The following SDHAF3 variants were observed in gnomAD, a reference collection of about 807,000 sequenced individuals.
SDHAF3 encodes the protein succinate dehydrogenase complex assembly factor 3, also known as succinate dehydrogenase assembly factor 3, mitochondrial.
SDHAF3 carries 18 observed loss-of-function variants against 11.5 expected under a neutral mutation model. The observed-to-expected ratio is 1.56, with a 90% CI of 1.08 to 2.32. The LOEUF is 2.32. Ranked by LOEUF, SDHAF3 falls within the 30% of genes most tolerant of loss-of-function variation. The pLI, the probability that SDHAF3 is intolerant of heterozygous loss-of-function variation, is 0.00. For synonymous variants in SDHAF3, 72 were observed against 59.3 expected (o/e 1.21, Z -0.99); for missense variants, 200 against 154.4 (o/e 1.30, Z -1.57).
chr7:97,176,240 GTC>G (rs1789677023), intron 1 of SDHAF3, among the ~76,000 whole-genome samples: 1 of 152,174 alleles, frequency 6.6e-6, no homozygotes, highest in African/African-American at 2.4e-5. Flanking sequence ...ACTCAAAAGT[GTC>G]TCTCTTCGAC....
At chr7:97,119,932 A>T (rs1791466350) in intron 1 of SDHAF3, among the ~76,000 whole-genome samples, 1 of 152,182 alleles carries the variant, frequency 6.6e-6, no homozygotes, top group South Asian at 2.1e-4. Context: ...AGGGCACATG[A>T]TACTAACATG....
At chr7:97,127,312 G>A (rs928876024) in intron 1 of SDHAF3, among the ~76,000 whole-genome samples, 2 of 152,138 alleles carry the variant, frequency 1.3e-5, no homozygotes, top group African/African-American at 2.4e-5. Context: ...CAATGATCCC[G>A]GTATCACGGA....
At chr7:97,142,446 C>T (rs989680579) in intron 1 of SDHAF3, among the ~76,000 whole-genome samples, 3 of 152,102 alleles carry the variant, frequency 2.0e-5, no homozygotes. Flanking sequence ...GGGCATTAGG[C>T]TTATTCCAAG....
chr7:97,159,893 T>C (rs1172160998), intron 1 of SDHAF3, among the ~76,000 whole-genome samples: 1 of 152,220 alleles, frequency 6.6e-6, no homozygotes, highest in East Asian at 1.9e-4. Flanking sequence ...TTTGGAGGGT[T>C]AGACCATTGG....
intron 1 of SDHAF3, among the ~76,000 whole-genome samples, chr7:97,121,855 T>G (rs1184454337): frequency 2.5e-3 from 169 of 67,516 alleles, no homozygotes; most frequent in African/African-American, 7.0e-3. Context: ...TTTTTTTTTG[T>G]TTTTTTTTTT....
Position 97,156,772 on chromosome 7 carries a change from TA to T in SDHAF3, c.175-24232del, listed in dbSNP as rs944834076. On this transcript the variant is annotated intron_variant, in intron 1 of 1. Transcript: ENST00000432641. Reference sequence around the variant, plus strand: ...GCTAAGGATAATCTATAAATATTAATAAAAAAAATTTCTTTTTTAATGTTTT... The same window carrying T: ...GCTAAGGATAATCTATAAATATTAATAAAAAAATTTCTTTTTTAATGTTTT... Among the ~76,000 whole-genome samples the T allele has an allele frequency of 5.2e-3, 767 of 147,444 alleles. 8 individuals carry two copies. The highest frequency in any genetic ancestry group is 0.017 in the African/African-American group (712 of 41,150).
At chr7:97,167,897 C>T (rs1384723633) in intron 1 of SDHAF3, among the ~76,000 whole-genome samples, 1 of 152,154 alleles carries the variant, frequency 6.6e-6, no homozygotes, top group Non-Finnish European at 1.5e-5. Context: ...ATCTCTGATC[C>T]ATCCACAAGT....
At chr7:97,164,675 G>A (rs553972156) in intron 1 of SDHAF3, among the ~76,000 whole-genome samples, 13 of 151,886 alleles carry the variant, frequency 8.6e-5, no homozygotes, top group Non-Finnish European at 1.2e-4. Context: ...GTGCCTTTCC[G>A]GTTCATAGTT....
intron 1 of SDHAF3, among the ~76,000 whole-genome samples, chr7:97,148,021 A>G (rs1236345868): frequency 6.6e-6 from 1 of 151,992 alleles, no homozygotes; most frequent in Non-Finnish European, 1.5e-5. Flanking sequence ...CTCATACCTC[A>G]GCCTCCCAAG....
chr7:97,150,517 T>G (rs1002396993), intron 1 of SDHAF3, among the ~76,000 whole-genome samples: 1 of 151,854 alleles, frequency 6.6e-6, no homozygotes, highest in Non-Finnish European at 1.5e-5. Flanking sequence ...GGTGACCAGG[T>G]GCATTGTCAG....
At chr7:97,173,546 ATTT>A (rs10538365) in intron 1 of SDHAF3, among the ~76,000 whole-genome samples, 57 of 135,410 alleles carry the variant, frequency 4.2e-4, no homozygotes, top group Middle Eastern at 3.8e-3. Context: ...CAAAATTAGA[ATTT>A]TTTTTTTTTT....
intron 1 of SDHAF3, among the ~76,000 whole-genome samples, chr7:97,125,216 T>C (rs1791557626): frequency 6.6e-6 from 1 of 152,206 alleles, no homozygotes; most frequent in Non-Finnish European, 1.5e-5. Context: ...GGGTTTTTCA[T>C]GTCTCTCCTT....
chr7:97,169,616 C>CTTTA (rs1789573352), intron 1 of SDHAF3, among the ~76,000 whole-genome samples: 1 of 151,752 alleles, frequency 6.6e-6, no homozygotes, highest in African/African-American at 2.4e-5. Flanking sequence ...GCATCATGTC[C>CTTTA]TTTAGTTTAT....
intron 1 of SDHAF3, chr7:97,136,593 G>T: frequency 2.5e-6 from 1 of 405,594 alleles, no homozygotes; most frequent in Non-Finnish European, 4.4e-6. Flanking sequence ...TGTACAGTAC[G>T]CTTCTAAACT....
At chr7:97,166,746 C>CGGGG (rs75706400) in intron 1 of SDHAF3, among the ~76,000 whole-genome samples, 1 of 150,666 alleles carries the variant, frequency 6.6e-6, no homozygotes, top group Admixed American at 6.6e-5. Flanking sequence ...AGTTAGTTGG[C>CGGGG]GGGGGGGGCT....
At chr7:97,179,964 C>A (rs912222326) in intron 1 of SDHAF3, among the ~76,000 whole-genome samples, 2 of 152,158 alleles carry the variant, frequency 1.3e-5, no homozygotes, top group African/African-American at 4.8e-5. Context: ...CAGCATTATC[C>A]AGAGTTAGCC....
chr7:97,150,669 T>G (rs973854439), intron 1 of SDHAF3, among the ~76,000 whole-genome samples: 1 of 150,960 alleles, frequency 6.6e-6, no homozygotes, highest in Non-Finnish European at 1.5e-5. Context: ...GTTCACGCCA[T>G]TCTCCTGCCT....
chr7:97,146,016 T>G (rs1445122530), intron 1 of SDHAF3, among the ~76,000 whole-genome samples: 2 of 152,130 alleles, frequency 1.3e-5, no homozygotes, highest in Admixed American at 6.5e-5. Flanking sequence ...AGCTTTATAG[T>G]TAGCAGATTA....
At chr7:97,176,689 T>C (rs943582368) in intron 1 of SDHAF3, among the ~76,000 whole-genome samples, 5 of 152,180 alleles carry the variant, frequency 3.3e-5, no homozygotes, top group Non-Finnish European at 7.3e-5. Flanking sequence ...TGAGTCTTTC[T>C]ACCCAAGATG....
Sources: gnomAD v4.1 joint callset for allele counts (sites outside exome capture counted in the v4.1 genomes callset) on GRCh38, gnomAD v4.1.1 for gene constraint, MANE v1.5 for transcripts, NCBI Gene and HGNC (gene_info 2026-07-23, HGNC 2026-07-21) for gene names.